ZNF324B: variants seen among roughly 807,000 people sequenced by gnomAD.
The protein encoded by ZNF324B is zinc finger protein 324B.
Under a neutral mutation model 10.6 loss-of-function variants are expected in ZNF324B, and 7 were observed. The ratio of observed to expected loss-of-function variants is 0.66; its 90% confidence interval spans 0.38 to 1.24. The LOEUF is 1.24. Among genes scored for constraint, ZNF324B ranks in the 50% most tolerant of loss-of-function variants. The pLI is 0.02. For missense variants in ZNF324B, 640 were observed against 764.7 expected, an observed-to-expected ratio of 0.84 and a Z score of 1.92; for synonymous variants, 316 against 321.0, an observed-to-expected ratio of 0.98 and a Z score of 0.17.
the ZNF324B span, chr19:58,441,716 C>T: frequency 2.6e-5 from 4 of 152,300 alleles, no homozygotes; most frequent in Non-Finnish European, 5.9e-5. Context: ...GTGGCCTGGC[C>T]CAGTGAACGG....
Position 58,456,123 on chromosome 19 carries a change from C to T in ZNF324B, c.1179C>T (p.Gly393=), listed in dbSNP as rs1159565412. 1.2e-6 allele frequency: 2 copies of T among 1,613,376 alleles called. No homozygotes were observed. The highest frequency in any genetic ancestry group is 1.1e-5 in the South Asian group (1 of 91,082). Reference sequence around the variant, plus strand: ...TCCAGCACGAGCGTACGCACACAGGCGAGAAGCCCTTCGTATGCGCGCTCT... The same window carrying T: ...TCCAGCACGAGCGTACGCACACAGGTGAGAAGCCCTTCGTATGCGCGCTCT... ...HLIQHERTHT[G]EKPFVCALCG... The change falls in exon 4 of 4, where the codon GGC becomes GGT. Residue 393 remains glycine (G), a synonymous_variant. Coordinates refer to ENST00000336614, the MANE Select transcript of ZNF324B (RefSeq NM_207395.3). This position sits in a 1 kb window ranked among gnomAD's most constrained non-coding sequence, Gnocchi z 4.7.
the ZNF324B span, among the ~76,000 whole-genome samples, chr19:58,428,085 C>T: frequency 2.0e-4 from 30 of 152,296 alleles, no homozygotes; most frequent in South Asian, 1.2e-3. Context: ...ACTTTGCTGA[C>T]GGCAAAACTG....
At chr19:58,425,968 G>T in the ZNF324B span, among the ~76,000 whole-genome samples, 1 of 152,152 alleles carries the variant, frequency 6.6e-6, no homozygotes, top group Non-Finnish European at 1.5e-5. Context: ...TTTCACTTGT[G>T]CTTCTTTCTT....
the ZNF324B span, chr19:58,437,700 A>G: frequency 1.0e-6 from 1 of 985,054 alleles, no homozygotes; most frequent in African/African-American, 1.7e-5. Context: ...CATTCTCCCT[A>G]GCATCTCACC....
the ZNF324B span, among the ~76,000 whole-genome samples, chr19:58,424,485 C>T: frequency 1.3e-5 from 2 of 152,096 alleles, no homozygotes; most frequent in African/African-American, 4.8e-5. Context: ...AAAAGTTGTT[C>T]AACGTCACTA....
the ZNF324B span, among the ~76,000 whole-genome samples, chr19:58,420,662 A>G: frequency 4.6e-5 from 7 of 151,982 alleles, no homozygotes; most frequent in East Asian, 3.9e-4. Context: ...CAGACTCCCA[A>G]TGTGCTGGGG....
chr19:58,421,200 G>A, the ZNF324B span, among the ~76,000 whole-genome samples: 18 of 152,106 alleles, frequency 1.2e-4, 1 homozygote, highest in Middle Eastern at 0.014. Context: ...TGATTTCAGC[G>A]TCTTCAACCT....
At chr19:58,436,031 A>G in the ZNF324B span, among the ~76,000 whole-genome samples, 1 of 152,274 alleles carries the variant, frequency 6.6e-6, no homozygotes, top group Non-Finnish European at 1.5e-5. Flanking sequence ...TGAAATATTG[A>G]TACATGCTAC....
the ZNF324B span, among the ~76,000 whole-genome samples, chr19:58,424,812 AAAAAC>A: frequency 4.6e-5 from 7 of 152,284 alleles, no homozygotes; most frequent in Non-Finnish European, 1.0e-4. Context: ...AAATAAAAAC[AAAAAC>A]AAAACAAAAC....
intron 1 of ZNF324B, chr19:58,453,398 C>T (rs997517453): frequency 1.4e-5 from 7 of 488,256 alleles, no homozygotes; most frequent in African/African-American, 5.9e-5. Flanking sequence ...TGCTGAGTCA[C>T]GAGTGGATAT....
the ZNF324B span, among the ~76,000 whole-genome samples, chr19:58,422,536 G>A: frequency 4.6e-5 from 7 of 152,168 alleles, no homozygotes; most frequent in Admixed American, 4.6e-4. Flanking sequence ...TCTTAGGTCT[G>A]ATAAAGAGAT....
intron 3 of ZNF324B, chr19:58,454,561 C>T (rs965750299): frequency 1.2e-4 from 71 of 584,516 alleles, no homozygotes; most frequent in Middle Eastern, 3.5e-4. Context: ...GAAGGGCCTA[C>T]CTTCAGCTGG....
chr19:58,438,728 C>T, the ZNF324B span, among the ~76,000 whole-genome samples: 5 of 151,652 alleles, frequency 3.3e-5, no homozygotes, highest in African/African-American at 1.2e-4. Context: ...CTGCCTCGGC[C>T]TCCCAAAGTG....
the ZNF324B span, among the ~76,000 whole-genome samples, chr19:58,427,910 T>C: frequency 6.6e-6 from 1 of 152,186 alleles, no homozygotes; most frequent in Admixed American, 6.5e-5. Flanking sequence ...GAGCCCCATA[T>C]GGCTCAGCTA....
the ZNF324B span, chr19:58,445,713 G>A: frequency 3.0e-6 from 1 of 328,732 alleles, no homozygotes; most frequent in Admixed American, 4.3e-5. Context: ...TACACCAGAG[G>A]CTGAGGCAGG....
the ZNF324B span, chr19:58,442,906 A>C: frequency 6.6e-6 from 1 of 152,284 alleles, no homozygotes; most frequent in African/African-American, 2.4e-5. Context: ...TACAGCATGG[A>C]AGAGGACCCG....
At chr19:58,447,230 G>A (rs536578907), upstream of ZNF324B, among the ~76,000 whole-genome samples, 3 of 151,912 alleles carry the variant, frequency 2.0e-5, no homozygotes, top group African/African-American at 7.2e-5. Flanking sequence ...TGCCTGCCTC[G>A]GCCTCCCAAA....
At chr19:58,428,227 CAG>C in the ZNF324B span, among the ~76,000 whole-genome samples, 1 of 152,210 alleles carries the variant, frequency 6.6e-6, no homozygotes, top group Non-Finnish European at 1.5e-5. Flanking sequence ...ATTCTCATGT[CAG>C]AGGATTTCCG....
chr19:58,449,092 C>T (rs1163398606), upstream of ZNF324B, among the ~76,000 whole-genome samples: 1 of 152,190 alleles, frequency 6.6e-6, no homozygotes, highest in East Asian at 1.9e-4. Context: ...GACTTGGTGC[C>T]CTGCATCCCA....
Sources: allele counts gnomAD v4.1 joint callset (sites outside exome capture counted in the v4.1 genomes callset), GRCh38; gene constraint gnomAD v4.1.1; non-coding constraint Gnocchi (gnomAD v3.1); transcripts MANE v1.5; gene names NCBI Gene and HGNC (gene_info 2026-07-23, HGNC 2026-07-21).